The following KCNN4 variants were observed in gnomAD, a reference collection of about 807,000 sequenced individuals.
KCNN4 encodes the protein intermediate conductance calcium-activated potassium channel protein 4.
In KCNN4, 31 loss-of-function variants were observed where a neutral mutation model predicts 45.2. The observed-to-expected ratio is 0.69, with a 90% CI of 0.52 to 0.92. The LOEUF (loss-of-function observed/expected upper bound fraction) is 0.92, where lower values mean the gene tolerates loss of function less well. KCNN4 is among the 40% of genes least tolerant of loss of function. The probability of loss-of-function intolerance (pLI) is 0.00; values close to 1 mark genes in which losing one functional copy is unlikely to be tolerated. For missense variants in KCNN4, 463 were observed against 574.0 expected (o/e 0.81, Z 1.98); for synonymous variants, 231 against 254.6 (o/e 0.91, Z 0.88).
Position 43,772,232 on chromosome 19 carries a change from GGTTCCCTCCCT to G in KCNN4, c.684-108_684-98del, listed in dbSNP as rs1166877850. The G allele has an allele frequency of 1.5e-6, 2 of 1,360,688 alleles. No individual in the cohort carries two copies. Among genetic ancestry groups the G allele is most frequent in the East Asian group, 2.5e-5 (1 of 39,266 alleles). 84.3% of individuals were successfully genotyped at this position (1,360,688 alleles called of 1,614,324 possible). A position where few individuals can be genotyped will look rare whatever the true frequency, so the allele number is the denominator to read the frequency against. On this transcript the variant is annotated intron_variant, in intron 3 of 8. Coordinates refer to ENST00000648319, the MANE Select transcript of KCNN4 (RefSeq NM_002250.3). This position sits in a 1 kb window ranked among gnomAD's most constrained non-coding sequence, Gnocchi z 4.4. ...TATACCCTCCCATCCCCTTCCCTCT[GGTTCCCTCCCT>G]TCCCCTCCCAGTATACACCCATAGT...
Position 43,780,961 on chromosome 19 carries a change from C to T in KCNN4, c.-100G>A, listed in dbSNP as rs1049643678. On this transcript the variant is annotated 5_prime_UTR_variant, in exon 1 of 9. Transcript: ENST00000648319. ...CTGTGGCTTGCAGGTCGTCAGCCTG[C>T]TCTGCTGGCTCTGGGACTTTTGCTC... is the stretch of plus-strand genomic sequence containing the variant. 8.3e-7 allele frequency: 1 copy of T among 1,205,378 alleles called. No individual in the cohort carries two copies. The highest frequency in any genetic ancestry group is 1.2e-6 in the Non-Finnish European group (1 of 842,954). The allele number at this position is 1,205,378 out of a possible 1,614,324, so 74.7% of individuals were successfully genotyped here.
intron 8 of KCNN4, 80 bp downstream of exon 8, chr19:43,767,460 G>A (rs947246104): frequency 2.2e-5 from 33 of 1,496,240 alleles, no homozygotes; most frequent in African/African-American, 2.1e-4. Flanking sequence ...GCCATCCCCC[G>A]CCCCCTTAGC....
At chr19:43,776,964 A>G in intron 1 of KCNN4, 1 of 233,204 alleles carries the variant, frequency 4.3e-6, no homozygotes, top group Non-Finnish European at 8.7e-6. Context: ...TGGGTGTGTA[A>G]TCCCAGCTAC....
chr19:43,779,374 C>G (rs550992284), intron 1 of KCNN4, among the ~76,000 whole-genome samples: 2 of 152,152 alleles, frequency 1.3e-5, no homozygotes, highest in East Asian at 3.9e-4. Context: ...TCAGTGCCCG[C>G]CGCCTGCCAG....
chr19:43,767,845 G>A (rs888208744), intron 7 of KCNN4, 138 bp from the exon 8 acceptor site: 2 of 1,098,636 alleles, frequency 1.8e-6, no homozygotes, highest in South Asian at 1.4e-5. Flanking sequence ...CTGTTACCAT[G>A]TATTGACCAC....
rs537428460 is a variant in KCNN4, at chr19:43,767,534, C to T, written c.*3+6G>A. ...TGCCTTCCTGCCCAAGTCCCAGCCC[C>T]CTCACCAGCTACTTGGACTGCTGGC... On this transcript the variant is annotated splice_donor_region_variant and intron_variant, in intron 8 of 8. Coordinates refer to ENST00000648319, the MANE Select transcript of KCNN4 (RefSeq NM_002250.3). 26 of 1,612,624 alleles carry T rather than the reference C, an allele frequency of 1.6e-5. No homozygotes were observed. In the African/African-American group the frequency reaches 2.4e-4, roughly 15 times the overall value.
intron 4 of KCNN4, 129 bp downstream of exon 4, chr19:43,771,871 C>T: frequency 2.5e-5 from 30 of 1,196,996 alleles, no homozygotes; most frequent in Non-Finnish European, 3.4e-5. Context: ...CTCTGGGGGC[C>T]CCAGACACTC....
chr19:43,768,955 C>T lies in KCNN4; in HGVS notation c.1119+8G>A, dbSNP rs78625542. The stretch of plus-strand genomic sequence containing the variant: ...TCTTCAAGACCTCCTCCCACGGGAT[C>T]CTAGTACCTTGGAGATGTCCACCAT... On this transcript the variant is annotated splice_region_variant and intron_variant, in intron 7 of 8. Coordinates refer to ENST00000648319, the MANE Select transcript of KCNN4 (RefSeq NM_002250.3). The T allele has an allele frequency of 6.2e-7, 1 of 1,614,094 alleles. No homozygotes were observed. The highest frequency in any genetic ancestry group is 1.1e-5 in the South Asian group (1 of 91,074).
In KCNN4 at chr19:43,769,490, G is replaced by A. The variant is rs75921846; in HGVS notation, c.1001C>T (p.Ser334Phe). 15 of 1,614,116 alleles carry A rather than the reference G, an allele frequency of 9.3e-6. No homozygotes were observed. In the Admixed American group the frequency reaches 2.3e-4, roughly 25 times the overall value. The change falls in exon 6 of 9, where the codon TCT (serine) becomes TTT (phenylalanine). Residue 334 changes from serine to phenylalanine, a missense_variant. Transcript: ENST00000648319. This position sits in a 1 kb window ranked among gnomAD's most constrained non-coding sequence, Gnocchi z 4.4. ...MFYKHTRRKESHAARRHQRKL... is the reference protein window; with the variant it reads ...MFYKHTRRKEFHAARRHQRKL... ...GCGCTGATGCCTGCGGGCAGCATGA[G>A]ACTCCTTCCTGCGAGTATGTTTGTA...
chr19:43,780,418 G>GC (rs1969942084), intron 1 of KCNN4, among the ~76,000 whole-genome samples: 1 of 85,850 alleles, frequency 1.2e-5, no homozygotes, highest in Non-Finnish European at 2.3e-5. Context: ...CAGGAGTCCA[G>GC]ACCCCAGCCC....
intron 1 of KCNN4, among the ~76,000 whole-genome samples, chr19:43,777,643 G>A (rs1264368193): frequency 6.6e-6 from 1 of 150,624 alleles, no homozygotes; most frequent in African/African-American, 2.4e-5. Flanking sequence ...GGAAGCACAG[G>A]GCCTCCAGAA....
At position 43,772,253 on chromosome 19, in the gene KCNN4, A is replaced by G; in HGVS notation, c.684-118T>C. 9.1e-7 allele frequency: 1 copy of G among 1,095,376 alleles called. No homozygotes were observed. The highest frequency in any genetic ancestry group is 1.3e-6 in the Non-Finnish European group (1 of 772,460). 67.9% of individuals were successfully genotyped at this position (1,095,376 alleles called of 1,614,324 possible). On this transcript the variant is annotated intron_variant, in intron 3 of 8. Coordinates refer to ENST00000648319, the MANE Select transcript of KCNN4 (RefSeq NM_002250.3). This position sits in a 1 kb window ranked among gnomAD's most constrained non-coding sequence, Gnocchi z 4.4. ...CTCTGGTTCCCTCCCTTCCCCTCCC[A>G]GTATACACCCATAGTCCTAAGAATC... is the stretch of plus-strand genomic sequence containing the variant.
chr19:43,774,535 C>G lies in KCNN4; in HGVS notation c.340G>C (p.Val114Leu), dbSNP rs200491983. Residue 114 changes from valine (V) to leucine (L), a missense_variant, in exon 3 of 9, where the codon GTG (valine) becomes CTG (leucine). This residue lies in a region of KCNN4 where 225 missense variants were observed against 240.9 expected (regional missense o/e 0.93). Coordinates refer to ENST00000648319, the MANE Select transcript of KCNN4 (RefSeq NM_002250.3). This position sits in a 1 kb window ranked among gnomAD's most constrained non-coding sequence, Gnocchi z 5.6. Reference protein sequence around the residue: ...QAAQIVLELVVCGLHPAPVRG... With the variant: ...QAAQIVLELVLCGLHPAPVRG... ...ACGGGCGCCGGGTGCAGCCCACACA[C>G]CACCAGCTCCAGCACGATCTGCGCC... 45 of 1,593,648 alleles carry G rather than the reference C, an allele frequency of 2.8e-5. No homozygotes were observed. The highest frequency in any genetic ancestry group is 3.7e-5 in the Non-Finnish European group (43 of 1,175,184).
Position 43,769,870 on chromosome 19 carries a change from C to A in KCNN4, c.820-41G>T. The stretch of plus-strand genomic sequence containing the variant: ...GCACCGTGGCATGAGGCTGTGCCAC[C>A]GACTCCCTCCTTGAACCCGCCCAAC... On this transcript the variant is annotated intron_variant, in intron 4 of 8. Transcript: ENST00000648319. The surrounding 1 kb of genome is among the most constrained non-coding windows in gnomAD (Gnocchi z 4.4). 1.4e-6 allele frequency: 2 copies of A among 1,442,730 alleles called. No individual in the cohort carries two copies. The highest frequency in any genetic ancestry group is 1.9e-6 in the Non-Finnish European group (2 of 1,040,830). 89.4% of individuals were successfully genotyped at this position (1,442,730 alleles called of 1,614,324 possible).
intron 4 of KCNN4, among the ~76,000 whole-genome samples, chr19:43,770,777 G>A (rs2146445408): frequency 6.6e-6 from 1 of 152,294 alleles, no homozygotes; most frequent in South Asian, 2.1e-4. Flanking sequence ...AGCTTTTATG[G>A]CCCAACCATG....
Position 43,767,721 on chromosome 19 carries a change from G to A in KCNN4, c.1120-14C>T, listed in dbSNP as rs1472881768. 1.2e-6 allele frequency: 2 copies of A among 1,613,832 alleles called. No individual in the cohort carries two copies. The highest frequency in any genetic ancestry group is 1.3e-5 in the African/African-American group (1 of 75,038). ...GATCATGTGCATCTGGGTGGGAGGA[G>A]AGGATCAGAGGTGTCGGGGCTGGGG... On this transcript the variant is annotated splice_polypyrimidine_tract_variant and intron_variant, in intron 7 of 8. Coordinates refer to ENST00000648319, the MANE Select transcript of KCNN4 (RefSeq NM_002250.3).
Position 43,780,953 on chromosome 19 carries a change from T to A in KCNN4, c.-92A>T. Reference sequence around the variant, plus strand: ...GGCAGCCACTGTGGCTTGCAGGTCGTCAGCCTGCTCTGCTGGCTCTGGGAC... The same window carrying A: ...GGCAGCCACTGTGGCTTGCAGGTCGACAGCCTGCTCTGCTGGCTCTGGGAC... On this transcript the variant is annotated 5_prime_UTR_variant, in exon 1 of 9. Coordinates refer to ENST00000648319, the MANE Select transcript of KCNN4 (RefSeq NM_002250.3). 7.7e-7 allele frequency: 1 copy of A among 1,294,488 alleles called. No homozygotes were observed. The highest frequency in any genetic ancestry group is 2.3e-5 in the East Asian group (1 of 42,964). 80.2% of individuals were successfully genotyped at this position (1,294,488 alleles called of 1,614,324 possible).
At chr19:43,779,950 C>G (rs1415259662) in intron 1 of KCNN4, among the ~76,000 whole-genome samples, 1 of 151,974 alleles carries the variant, frequency 6.6e-6, no homozygotes, top group Non-Finnish European at 1.5e-5. Context: ...GGAGGCAGGT[C>G]GGGGGAGAGG....
At chr19:43,773,470 T>C (rs574411707) in intron 3 of KCNN4, among the ~76,000 whole-genome samples, 30 of 152,298 alleles carry the variant, frequency 2.0e-4, no homozygotes, top group African/African-American at 7.2e-4. Flanking sequence ...GGTTGGGCCA[T>C]AGAATCACCT....
Sources: allele counts gnomAD v4.1 joint callset (sites outside exome capture counted in the v4.1 genomes callset), GRCh38; gene constraint gnomAD v4.1.1; regional missense constraint gnomAD v4.1.1; non-coding constraint Gnocchi (gnomAD v3.1); transcripts MANE v1.5; gene names NCBI Gene and HGNC (gene_info 2026-07-23, HGNC 2026-07-21).